The following ZBTB20 variants were observed in gnomAD, a reference collection of about 807,000 sequenced individuals.
ZBTB20 encodes zinc finger and BTB domain-containing protein 20.
ZBTB20 carries 9 observed loss-of-function variants against 56.9 expected under a neutral mutation model. The ratio of observed to expected loss-of-function variants is 0.16; its 90% CI spans 0.10 to 0.28. The LOEUF is 0.28. Among genes scored for constraint, ZBTB20 ranks in the 10% least tolerant of loss-of-function variants. The pLI is 1.00. For missense variants in ZBTB20, 655 were observed against 1,003.0 expected (o/e 0.65, Z 4.69); for synonymous variants, 417 against 420.7 (o/e 0.99, Z 0.11).
chr3:114,983,401 GAT>G (rs1220324846), intron 2 of ZBTB20, among the ~76,000 whole-genome samples: 2 of 151,922 alleles, frequency 1.3e-5, no homozygotes. Flanking sequence ...ATTAAAGCAT[GAT>G]ATATAATTAC....
chr3:114,940,022 T>C lies in ZBTB20; in HGVS notation c.-456+34344A>G, dbSNP rs1370125952. Among the ~76,000 whole-genome samples the C allele has an allele frequency of 4.8e-5, 7 of 146,554 alleles. 3 individuals carry two copies. Among genetic ancestry groups the C allele is most frequent in the African/African-American group, 1.9e-4 (7 of 36,102 alleles). On this transcript the variant is annotated intron_variant, in intron 3 of 11. Coordinates refer to ENST00000675478, the MANE Select transcript of ZBTB20 (RefSeq NM_001348800.3). The stretch of plus-strand genomic sequence containing the variant: ...CATATGCTCTTCTATGACTATTCAG[T>C]ATAGGTGTTTCACCATCATTGTAAG...
intron 7 of ZBTB20, among the ~76,000 whole-genome samples, chr3:114,470,707 T>C (rs1379270706): frequency 6.6e-6 from 1 of 152,184 alleles, no homozygotes; most frequent in Non-Finnish European, 1.5e-5. Flanking sequence ...AGAATTTGCA[T>C]GCAAACCCAG....
chr3:114,369,865 T>C (rs2082813841), intron 10 of ZBTB20, among the ~76,000 whole-genome samples: 1 of 152,242 alleles, frequency 6.6e-6, no homozygotes, highest in Non-Finnish European at 1.5e-5. Context: ...AAAAATTGTT[T>C]TAAAAATTGT....
chr3:114,434,541 G>GGGTTGTGTGTGTGTGTTTGTGT (rs1553711977), intron 7 of ZBTB20, among the ~76,000 whole-genome samples: 2 of 85,838 alleles, frequency 2.3e-5, no homozygotes, highest in Admixed American at 2.2e-4. Context: ...CTGCAATTGG[G>GGGTTGTGTGTGTGTGTTTGTGT]GTGTGTGTGT....
At chr3:114,815,786 GA>G (rs1227917482) in intron 4 of ZBTB20, among the ~76,000 whole-genome samples, 1 of 151,964 alleles carries the variant, frequency 6.6e-6, no homozygotes, top group Non-Finnish European at 1.5e-5. Flanking sequence ...CCATTTCTCC[GA>G]AATAATATGG....
At chr3:114,948,963 C>A (rs1428369318) in intron 3 of ZBTB20, among the ~76,000 whole-genome samples, 2 of 145,824 alleles carry the variant, frequency 1.4e-5, no homozygotes, top group African/African-American at 2.8e-5. Context: ...TAAAAAGGAA[C>A]AAGACTAACT....
At chr3:114,529,564 T>C (rs973272207) in intron 6 of ZBTB20, 16 of 152,232 alleles carry the variant, frequency 1.1e-4, no homozygotes, top group African/African-American at 3.9e-4. Context: ...GTTTCACTAG[T>C]GTACCCACAG....
At chr3:114,681,712 C>A (rs1370098539) in intron 6 of ZBTB20, among the ~76,000 whole-genome samples, 3 of 152,174 alleles carry the variant, frequency 2.0e-5, no homozygotes. Flanking sequence ...CCTATCCAAT[C>A]ATTTAATCCT....
intron 7 of ZBTB20, among the ~76,000 whole-genome samples, chr3:114,434,907 A>C (rs1288774767): frequency 1.3e-5 from 2 of 152,100 alleles, no homozygotes; most frequent in Non-Finnish European, 2.9e-5. Flanking sequence ...TCCTGATTCA[A>C]AGTGAGGTGT....
chr3:114,447,988 A>C (rs2091370712), intron 7 of ZBTB20, among the ~76,000 whole-genome samples: 1 of 152,186 alleles, frequency 6.6e-6, no homozygotes, highest in Non-Finnish European at 1.5e-5. Context: ...TGGAAGTAGA[A>C]AGTCATTGGT....
At chr3:114,360,245 C>T (rs998483769) in intron 10 of ZBTB20, among the ~76,000 whole-genome samples, 1 of 151,944 alleles carries the variant, frequency 6.6e-6, no homozygotes, top group African/African-American at 2.4e-5. Context: ...GTTCTCTTCC[C>T]TTGGGTCTTT....
At chr3:114,462,868 T>C (rs1316066301) in intron 7 of ZBTB20, among the ~76,000 whole-genome samples, 1 of 152,216 alleles carries the variant, frequency 6.6e-6, no homozygotes, top group Non-Finnish European at 1.5e-5. Flanking sequence ...ACCATGTCTT[T>C]TCCTTCTTTC....
intron 1 of ZBTB20, among the ~76,000 whole-genome samples, chr3:115,109,183 A>C (rs993319531): frequency 1.3e-4 from 20 of 152,332 alleles, no homozygotes; most frequent in Non-Finnish European, 2.4e-4. Flanking sequence ...AACTATCTTA[A>C]AAGTTTCCAC....
chr3:114,893,486 T>C (rs1013001229), intron 4 of ZBTB20, among the ~76,000 whole-genome samples: 1 of 152,192 alleles, frequency 6.6e-6, no homozygotes, highest in African/African-American at 2.4e-5. Flanking sequence ...ACTGTTTTCA[T>C]TGGTAAGTTG....
intron 4 of ZBTB20, among the ~76,000 whole-genome samples, chr3:114,833,237 T>G (rs893444506): frequency 9.2e-5 from 14 of 152,186 alleles, no homozygotes; most frequent in Non-Finnish European, 1.9e-4. Flanking sequence ...ATACTAACAT[T>G]GCTATACCAG....
At chr3:114,722,160 C>A (rs557971496) in intron 5 of ZBTB20, among the ~76,000 whole-genome samples, 1 of 152,146 alleles carries the variant, frequency 6.6e-6, no homozygotes, top group African/African-American at 2.4e-5. Flanking sequence ...AAGAGTATGA[C>A]CCAGAGTCAG....
intron 1 of ZBTB20, among the ~76,000 whole-genome samples, chr3:115,114,673 A>T (rs2083970242): frequency 6.6e-6 from 1 of 152,160 alleles, no homozygotes; most frequent in African/African-American, 2.4e-5. Flanking sequence ...TTACAAATAC[A>T]TTGGTTTTTG....
chr3:114,384,143 TCTCTC>T (rs2084782403), intron 8 of ZBTB20, among the ~76,000 whole-genome samples: 1 of 151,710 alleles, frequency 6.6e-6, no homozygotes, highest in African/African-American at 2.4e-5. Flanking sequence ...TCTCTCTCTC[TCTCTC>T]ATTTTCTCTC....
Position 114,314,504 on chromosome 3 carries a change from A to C in ZBTB20, c.*24501T>G, listed in dbSNP as rs1402737289. On this transcript the variant is annotated 3_prime_UTR_variant, in exon 12 of 12. Coordinates refer to ENST00000675478, the MANE Select transcript of ZBTB20 (RefSeq NM_001348800.3). ...AGACACAATAGGAAACCAAGAGAAG[A>C]GTTTTTTTTTTTTTAATTATTCCTT... 1.3e-5 allele frequency: 2 copies of C among 151,068 alleles called. No individual in the cohort carries two copies. Among genetic ancestry groups the C allele is most frequent in the Non-Finnish European group, 2.9e-5 (2 of 67,900 alleles). 9.4% of individuals were successfully genotyped at this position (151,068 alleles called of 1,614,324 possible).
Sources: allele counts gnomAD v4.1 joint callset (sites outside exome capture counted in the v4.1 genomes callset), GRCh38; gene constraint gnomAD v4.1.1; transcripts MANE v1.5; gene names NCBI Gene and HGNC (gene_info 2026-07-23, HGNC 2026-07-21).